The following PRRX1 variants were observed in gnomAD, a reference collection of about 807,000 sequenced individuals.
The protein encoded by PRRX1 is paired mesoderm homeobox protein 1.
PRRX1 carries 8 observed loss-of-function variants against 24.0 expected under a neutral mutation model. The observed-to-expected ratio is 0.33, with a 90% CI of 0.20 to 0.60. The LOEUF (loss-of-function observed/expected upper bound fraction) is 0.60. Ranked by LOEUF, PRRX1 falls within the 20% of genes least tolerant of loss-of-function variation. The pLI is 0.82. For synonymous variants in PRRX1, 160 were observed against 131.7 expected (o/e 1.22, Z -1.47); for missense variants, 281 against 322.4 (o/e 0.87, Z 0.98).
chr1:170,675,679 A>G (rs2101888071), intron 1 of PRRX1, among the ~76,000 whole-genome samples: 1 of 152,270 alleles, frequency 6.6e-6, no homozygotes, highest in Middle Eastern at 3.4e-3. Context: ...AGCTTTTTTA[A>G]TGTGATAATT....
intron 1 of PRRX1, among the ~76,000 whole-genome samples, chr1:170,690,809 G>A (rs913022840): frequency 5.9e-5 from 9 of 152,102 alleles, no homozygotes; most frequent in Admixed American, 2.6e-4. Context: ...ATTAAATTTA[G>A]AAGATATTCA....
At position 170,709,120 on chromosome 1, in the gene PRRX1, C is replaced by T. The variant is rs183653129; in HGVS notation, c.242-10606C>T. On this transcript the variant is annotated intron_variant, in intron 1 of 3. Transcript: ENST00000239461. ...AAGCTATATTCTAGTGTGAGACAAT[C>T]AACATAAATAATTACAGACTGTCAT... is the stretch of plus-strand genomic sequence containing the variant. Among the ~76,000 whole-genome samples the T allele has an allele frequency of 9.9e-5, 15 of 152,250 alleles. No individual in the cohort carries two copies. In the East Asian group the frequency reaches 2.9e-3, roughly 29 times the overall value.
rs1653696804 is a variant in PRRX1, at chr1:170,685,359, A to G, written c.241+20900A>G. Among the ~76,000 whole-genome samples the G allele has an allele frequency of 2.6e-5, 4 of 152,306 alleles. No homozygotes were observed. In the South Asian group the frequency reaches 8.3e-4, roughly 32 times the overall value. On this transcript the variant is annotated intron_variant, in intron 1 of 3. Coordinates refer to ENST00000239461, the MANE Select transcript of PRRX1 (RefSeq NM_022716.4). ...GGAAGTCTTGTCAAAGGGTGATTCA[A>G]GTGTGGGCTAGCAGCTGACTCAGGA...
intron 1 of PRRX1, among the ~76,000 whole-genome samples, chr1:170,703,755 T>A (rs1405603627): frequency 6.6e-6 from 1 of 152,082 alleles, no homozygotes; most frequent in East Asian, 1.9e-4. Flanking sequence ...GATGAGTGAG[T>A]TTGCTGAAAG....
intron 1 of PRRX1, among the ~76,000 whole-genome samples, chr1:170,685,179 A>G (rs990136650): frequency 6.6e-6 from 1 of 152,210 alleles, no homozygotes; most frequent in Non-Finnish European, 1.5e-5. Flanking sequence ...GCTTTCACTA[A>G]TGTCTTTATT....
chr1:170,671,811 G>A (rs1320005951), intron 1 of PRRX1, among the ~76,000 whole-genome samples: 2 of 152,188 alleles, frequency 1.3e-5, no homozygotes, highest in Non-Finnish European at 2.9e-5. Flanking sequence ...ATTGGTGGGT[G>A]CTAGGACTGA....
upstream of PRRX1, chr1:170,664,088 C>CCTCTCTCGCTCTCTCTCT: frequency 1.5e-6 from 1 of 661,376 alleles, no homozygotes; most frequent in Non-Finnish European, 2.2e-6. Flanking sequence ...CCTCTTCCTC[C>CCTCTCTCGCTCTCTCTCT]CTCTCTCTCT....
At chr1:170,664,108 C>CTCTCTCTCTCTCTCTCTCT, upstream of PRRX1, 1 of 636,244 alleles carries the variant, frequency 1.6e-6, no homozygotes, top group Non-Finnish European at 2.3e-6. Context: ...TCTCTCTCTC[C>CTCTCTCTCTCTCTCTCTCT]ACTACCCCCC....
At chr1:170,704,269 A>C (rs1197955301) in intron 1 of PRRX1, among the ~76,000 whole-genome samples, 2 of 152,334 alleles carry the variant, frequency 1.3e-5, no homozygotes, top group Non-Finnish European at 2.9e-5. Context: ...TATAAACGCA[A>C]CCTCTCAACG....
chr1:170,723,521 T>G (rs1655158556), intron 2 of PRRX1, among the ~76,000 whole-genome samples: 1 of 151,346 alleles, frequency 6.6e-6, no homozygotes, highest in South Asian at 2.1e-4. Context: ...TCCATAAAGA[T>G]TTCTTGAATG....
At chr1:170,719,322 T>C (rs1168773585) in intron 1 of PRRX1, among the ~76,000 whole-genome samples, 1 of 152,246 alleles carries the variant, frequency 6.6e-6, no homozygotes, top group Non-Finnish European at 1.5e-5. Flanking sequence ...ACTTGATTAT[T>C]AAACTATATG....
At chr1:170,731,222 G>A (rs1218422820) in intron 3 of PRRX1, among the ~76,000 whole-genome samples, 2 of 152,094 alleles carry the variant, frequency 1.3e-5, no homozygotes, top group African/African-American at 2.4e-5. Flanking sequence ...GTATGCCTCC[G>A]TTGTTCTTGC....
intron 1 of PRRX1, among the ~76,000 whole-genome samples, chr1:170,676,883 T>A (rs1013048878): frequency 9.2e-4 from 140 of 152,182 alleles, no homozygotes; most frequent in Non-Finnish European, 1.6e-4. Flanking sequence ...CTCTGGTTCA[T>A]GTTCTTCATT....
chr1:170,719,496 C>T (rs930045190), intron 1 of PRRX1, among the ~76,000 whole-genome samples: 1 of 152,204 alleles, frequency 6.6e-6, no homozygotes, highest in Non-Finnish European at 1.5e-5. Context: ...CAGATCTTGT[C>T]CCAGATTTAG....
Position 170,736,098 on chromosome 1 carries a change from G to A in PRRX1, c.650G>A (p.Gly217Asp), listed in dbSNP as rs761785582. 4 of 1,614,068 alleles carry A rather than the reference G, an allele frequency of 2.5e-6. No homozygotes were observed. Among genetic ancestry groups the A allele is most frequent in the Non-Finnish European group, 3.4e-6 (4 of 1,179,962 alleles). Residue 217 changes from glycine to aspartate, a missense_variant, in exon 4 of 4, where the codon GGC (glycine) becomes GAC (aspartate). By Grantham distance (94) the Gly-to-Asp change is moderately conservative. Transcript: ENST00000239461. ...TGTGCCAACAATAGCCCTGCACAGGGCATCAACATGGCCAACAGCATTGCC... is the reference window on the plus strand; with the variant it reads ...TGTGCCAACAATAGCCCTGCACAGGACATCAACATGGCCAACAGCATTGCC... ...ATCANNSPAQ[G>D]INMANSIANL... is the part of the protein sequence containing the mutation.
intron 1 of PRRX1, among the ~76,000 whole-genome samples, chr1:170,687,118 TTCTC>T (rs201455221): frequency 6.6e-6 from 1 of 150,542 alleles, no homozygotes; most frequent in Non-Finnish European, 1.5e-5. Context: ...CATTTAGGAT[TTCTC>T]TCTCTCTCTC....
At chr1:170,664,558 GTCC>G in intron 1 of PRRX1, 99 bp downstream of exon 1, 1 of 1,480,434 alleles carries the variant, frequency 6.8e-7, no homozygotes, top group East Asian at 2.5e-5. Flanking sequence ...GAAAGACAAG[GTCC>G]TGGGACCAGG....
At chr1:170,694,660 T>C (rs938886511) in intron 1 of PRRX1, among the ~76,000 whole-genome samples, 2 of 152,140 alleles carry the variant, frequency 1.3e-5, no homozygotes, top group African/African-American at 4.8e-5. Flanking sequence ...TTTATGCTTT[T>C]AGTACCAAGC....
At chr1:170,675,562 A>G (rs1653293662) in intron 1 of PRRX1, among the ~76,000 whole-genome samples, 1 of 152,178 alleles carries the variant, frequency 6.6e-6, no homozygotes, top group African/African-American at 2.4e-5. Context: ...TATACGTAAG[A>G]TAGTGACATC....
Sources: allele counts gnomAD v4.1 joint callset (sites outside exome capture counted in the v4.1 genomes callset), GRCh38; gene constraint gnomAD v4.1.1; transcripts MANE v1.5; gene names NCBI Gene and HGNC (gene_info 2026-07-23, HGNC 2026-07-21).